Variants in PTPN13 observed in about 807,000 individuals in gnomAD.
PTPN13 encodes the protein tyrosine-protein phosphatase non-receptor type 13.
PTPN13 carries 191 observed loss-of-function variants against 284.0 expected under a neutral mutation model. The observed-to-expected ratio is 0.67, with a 90% CI of 0.60 to 0.76. PTPN13 has a LOEUF of 0.76. Among genes scored for constraint, PTPN13 ranks in the 30% least tolerant of loss-of-function variants. The probability of loss-of-function intolerance (pLI) is 0.00; values close to 1 mark genes in which losing one functional copy is unlikely to be tolerated. For missense variants in PTPN13, 2,797 were observed against 2,939.9 expected, an observed-to-expected ratio of 0.95 and a Z score of 1.12; for synonymous variants, 986 against 1,022.3, an observed-to-expected ratio of 0.96 and a Z score of 0.68.
intron 1 of PTPN13, among the ~76,000 whole-genome samples, chr4:86,616,196 T>C (rs1720522637): frequency 6.6e-6 from 1 of 152,250 alleles, no homozygotes; most frequent in Admixed American, 6.5e-5. Context: ...TCATTAGTTT[T>C]ACATTTTGTT....
At chr4:86,651,261 A>G (rs1292657521) in intron 2 of PTPN13, among the ~76,000 whole-genome samples, 1 of 152,192 alleles carries the variant, frequency 6.6e-6, no homozygotes, top group Non-Finnish European at 1.5e-5. Flanking sequence ...CCTGGGATGA[A>G]TCCCACTTGA....
chr4:86,629,180 A>T (rs1266636530), intron 1 of PTPN13, among the ~76,000 whole-genome samples: 2 of 148,118 alleles, frequency 1.4e-5, no homozygotes, highest in Non-Finnish European at 3.0e-5. Context: ...ATGGGAGAAA[A>T]TTTTCGCAAC....
In PTPN13 at chr4:86,735,597, C is replaced by T; in HGVS notation, c.2155C>T (p.His719Tyr). 1 of 1,610,952 alleles carries T rather than the reference C, an allele frequency of 6.2e-7. No homozygotes were observed. Among genetic ancestry groups the T allele is most frequent in the Non-Finnish European group, 8.5e-7 (1 of 1,179,160 alleles). Residue 719 changes from histidine (H) to tyrosine (Y), a missense_variant, in exon 15 of 48, where the codon CAT becomes TAT. By Grantham distance (83) the His-to-Tyr change is moderately conservative (BLOSUM62 2). Transcript: ENST00000411767. ...ATGAAAACATTCTTTTATCTAGGTT[C>T]ATGGTGTGTCTTACTTTAGAATGGA... Reference protein sequence around the residue: ...AEYGDYQPEVHGVSYFRMEHY... With the variant: ...AEYGDYQPEVYGVSYFRMEHY...
At chr4:86,799,872 G>C (rs896716581) in intron 42 of PTPN13, among the ~76,000 whole-genome samples, 6 of 115,304 alleles carry the variant, frequency 5.2e-5, no homozygotes, top group African/African-American at 2.1e-4. Flanking sequence ...GTCTCTCTCT[G>C]TCGTCCAGGC....
At chr4:86,625,636 C>T (rs1721751942) in intron 1 of PTPN13, among the ~76,000 whole-genome samples, 2 of 152,056 alleles carry the variant, frequency 1.3e-5, no homozygotes, top group Non-Finnish European at 2.9e-5. Flanking sequence ...GTCCCAGACT[C>T]ATGGTCCTGA....
intron 3 of PTPN13, among the ~76,000 whole-genome samples, chr4:86,685,344 C>G (rs1729334415): frequency 6.6e-6 from 1 of 152,170 alleles, no homozygotes; most frequent in Admixed American, 6.5e-5. Flanking sequence ...TGAGGTGGTT[C>G]TCGCCTATAA....
At chr4:86,605,849 G>A (rs1034549073) in intron 1 of PTPN13, among the ~76,000 whole-genome samples, 1 of 151,852 alleles carries the variant, frequency 6.6e-6, no homozygotes, top group African/African-American at 2.4e-5. Context: ...GTAAAGTTGG[G>A]AATCATTACT....
chr4:86,722,456 T>C (rs1733779130), intron 10 of PTPN13, 22 bp downstream of exon 10: 3 of 1,579,910 alleles, frequency 1.9e-6, no homozygotes, highest in Admixed American at 1.7e-5. Context: ...CTCAGGTTAC[T>C]ACACATCTAA....
rs1218726625 is a variant in PTPN13, at chr4:86,594,588, G to T, written c.-207G>T. ...TGGGGAGCGTTTCCGAGGCGAGGAG[G>T]AGGAGGAGGAGATGCTGCTCCTCTT... On this transcript the variant is annotated 5_prime_UTR_variant, in exon 1 of 48. Coordinates refer to ENST00000411767, the MANE Select transcript of PTPN13 (RefSeq NM_080683.3). The T allele has an allele frequency of 6.6e-6, 1 of 152,438 alleles. No homozygotes were observed. Among genetic ancestry groups the T allele is most frequent in the African/African-American group, 2.4e-5 (1 of 41,448 alleles). 9.4% of individuals were successfully genotyped at this position (152,438 alleles called of 1,614,324 possible). A position where few individuals can be genotyped will look rare whatever the true frequency, so the allele number is the denominator to read the frequency against.
At chr4:86,738,316 TAC>T (rs1341482111) in intron 15 of PTPN13, among the ~76,000 whole-genome samples, 1 of 152,238 alleles carries the variant, frequency 6.6e-6, no homozygotes, top group Non-Finnish European at 1.5e-5. Context: ...TGTACAGTTT[TAC>T]AGTCCTACCA....
At chr4:86,766,634 G>T (rs1248084206) in intron 27 of PTPN13, 117 bp downstream of exon 27, 2 of 666,350 alleles carry the variant, frequency 3.0e-6, no homozygotes, top group Non-Finnish European at 4.7e-6. Context: ...AACCAAGCCT[G>T]ATATATATAA....
In PTPN13 at chr4:86,750,577, C is replaced by T. The variant is rs1294356578; in HGVS notation, c.2758C>T (p.Leu920Phe). The change falls in exon 18 of 48, where the codon CTT becomes TTT. Residue 920 changes from leucine to phenylalanine, a missense_variant. By Grantham distance (22) the Leu-to-Phe change is conservative. Coordinates refer to ENST00000411767, the MANE Select transcript of PTPN13 (RefSeq NM_080683.3). ...GSLASSTLNK[L>F]AVRPLSVQAE... The stretch of plus-strand genomic sequence containing the variant: ...TCTGGCCAGCAGCACCCTCAACAAA[C>T]TTGCTGTTCGACCTTTATCAGTTCA... 1.2e-6 allele frequency: 2 copies of T among 1,613,958 alleles called. No individual in the cohort carries two copies. Among genetic ancestry groups the T allele is most frequent in the Admixed American group, 3.3e-5 (2 of 60,022 alleles).
In PTPN13 at chr4:86,803,891, G is replaced by T. The variant is rs1447896123; in HGVS notation, c.6654+34G>T. The T allele has an allele frequency of 2.5e-6, 4 of 1,600,504 alleles. No individual in the cohort carries two copies. The Admixed American group carries it at 5.1e-5, about 20-fold the overall frequency. On this transcript the variant is annotated intron_variant, in intron 43 of 47. Transcript: ENST00000411767. ...CTTCTGCCAATGATTCTCTCCCAAA[G>T]TGTATGCATTTAGTTTGTAAGGAAA... is the stretch of plus-strand genomic sequence containing the variant.
Position 86,701,591 on chromosome 4 carries a change from G to T in PTPN13, c.985G>T (p.Val329Leu). 1 of 1,613,900 alleles carries T rather than the reference G, an allele frequency of 6.2e-7. No individual in the cohort carries two copies. Among genetic ancestry groups the T allele is most frequent in the Non-Finnish European group, 8.5e-7 (1 of 1,179,834 alleles). Residue 329 changes from valine to leucine, a missense_variant, in exon 7 of 48, where the codon GTA becomes TTA. Transcript: ENST00000411767. ...ATATCGTCGTTGTCACCCTGAGGCA[G>T]TAACAGTGCGGACTTCAACTACTCC... Reference protein sequence around the residue: ...ATYRRCHPEAVTVRTSTTPRK... With the variant: ...ATYRRCHPEALTVRTSTTPRK...
rs961936909 is a variant in PTPN13 at position 86,612,900 on chromosome 4, GT to G, written c.-6+18119del. On this transcript the variant is annotated intron_variant, in intron 1 of 47. Transcript: ENST00000411767. ...TCAAAAACAAAGGCGAAATAAAGTGGTTTTTTTTCCCCAGATATACAGTAGC... is the reference window on the plus strand; with the variant it reads ...TCAAAAACAAAGGCGAAATAAAGTGGTTTTTTTCCCCAGATATACAGTAGC... 3.3e-4 allele frequency among the ~76,000 whole-genome samples: 51 copies of G among 152,316 alleles called. 1 individual carries two copies. The highest frequency in any genetic ancestry group is 1.1e-3 in the African/African-American group (44 of 41,570).
intron 1 of PTPN13, among the ~76,000 whole-genome samples, chr4:86,605,089 G>A (rs1057095899): frequency 2.6e-5 from 4 of 151,862 alleles, no homozygotes; most frequent in Non-Finnish European, 5.9e-5. Flanking sequence ...CATGAGGGAA[G>A]TGTTTACAAA....
chr4:86,771,550 A>G lies in PTPN13; in HGVS notation c.5168+15A>G. The G allele has an allele frequency of 6.5e-7, 1 of 1,548,592 alleles. No individual in the cohort carries two copies. Among genetic ancestry groups the G allele is most frequent in the Admixed American group, 1.9e-5 (1 of 51,542 alleles). On this transcript the variant is annotated intron_variant, in intron 31 of 47. Coordinates refer to ENST00000411767, the MANE Select transcript of PTPN13 (RefSeq NM_080683.3). Reference sequence around the variant, plus strand: ...TTTGAGGACAGGTATCATCAATATAATGTGAACCGCTCAAAGCAACTGGTT... The same window carrying G: ...TTTGAGGACAGGTATCATCAATATAGTGTGAACCGCTCAAAGCAACTGGTT...
chr4:86,807,797 G>A lies in PTPN13; in HGVS notation c.6983G>A (p.Gly2328Asp). The change falls in exon 45 of 48, where the codon GGC becomes GAC. Residue 2328 changes from glycine to aspartate, a missense_variant. Physicochemically the swap from Gly to Asp is moderately conservative, Grantham distance 94. Coordinates refer to ENST00000411767, the MANE Select transcript of PTPN13 (RefSeq NM_080683.3). Reference sequence around the variant, plus strand: ...CAGCGCTATTGGCCCAACATCCTAGGCAAAACAACAATGGTCAGCAACAGA... The same window carrying A: ...CAGCGCTATTGGCCCAACATCCTAGACAAAACAACAATGGTCAGCAACAGA... ...KCQRYWPNIL[G>D]KTTMVSNRLR... The A allele has an allele frequency of 6.2e-7, 1 of 1,613,986 alleles. No individual in the cohort carries two copies. The highest frequency in any genetic ancestry group is 1.1e-5 in the South Asian group (1 of 91,084).
At chr4:86,741,917 G>T in intron 16 of PTPN13, 101 bp downstream of exon 16, 1 of 941,292 alleles carries the variant, frequency 1.1e-6, no homozygotes, top group South Asian at 1.9e-5. Flanking sequence ...CATTCAGTGG[G>T]GATAATACAT....
Sources: allele counts gnomAD v4.1 joint callset (sites outside exome capture counted in the v4.1 genomes callset), GRCh38; gene constraint gnomAD v4.1.1; transcripts MANE v1.5; gene names NCBI Gene and HGNC (gene_info 2026-07-23, HGNC 2026-07-21).